EXOC5: variants seen among roughly 807,000 people sequenced by gnomAD.
EXOC5 encodes exocyst complex component 5, also known as SEC10-like 1.
A neutral mutation model predicts 90.8 loss-of-function variants in EXOC5; 17 were observed. The observed-to-expected ratio is 0.19, with a 90% CI of 0.13 to 0.28. The LOEUF (loss-of-function observed/expected upper bound fraction) is 0.28, where lower values mean the gene tolerates loss of function less well. EXOC5 is among the 10% of genes least tolerant of loss of function. The pLI is 1.00. For synonymous variants in EXOC5, 260 were observed against 270.0 expected, an observed-to-expected ratio of 0.96 and a Z score of 0.36; for missense variants, 569 against 830.6, an observed-to-expected ratio of 0.69 and a Z score of 3.87.
chr14:57,209,770 CTT>C lies in EXOC5; in HGVS notation c.1733_1734del (p.Lys578SerfsTer13). The C allele has an allele frequency of 6.2e-7, 1 of 1,609,100 alleles. No homozygotes were observed. The highest frequency in any genetic ancestry group is 2.2e-5 in the East Asian group (1 of 44,790). ...ACTTGTTTTCTTACGTAAGCACAGACTTTTACACAGGCCTATAAAAGTTTTTC... is the reference window on the plus strand; with the variant it reads ...ACTTGTTTTCTTACGTAAGCACAGACTTACACAGGCCTATAAAAGTTTTTC... The part of the protein sequence containing the change: ...VLIQYTNACV[K>X]VCAYVRKQVE... On this transcript the variant is annotated frameshift_variant, in exon 17 of 18. Transcript: ENST00000621441. LOFTEE classifies it high-confidence loss of function.
At chr14:57,236,283 T>G (rs1175246857) in intron 6 of EXOC5, among the ~76,000 whole-genome samples, 4 of 147,930 alleles carry the variant, frequency 2.7e-5, no homozygotes, top group Non-Finnish European at 5.9e-5. Context: ...ATTTTTTTCA[T>G]TTTCTTTTTT....
intron 1 of EXOC5, among the ~76,000 whole-genome samples, chr14:57,250,593 G>T (rs1012068476): frequency 2.0e-5 from 3 of 152,146 alleles, no homozygotes; most frequent in Non-Finnish European, 2.9e-5. Context: ...AGAACACATG[G>T]GGGCTGGGTA....
chr14:57,251,066 G>A (rs190866356), intron 1 of EXOC5, among the ~76,000 whole-genome samples: 28 of 152,280 alleles, frequency 1.8e-4, no homozygotes, highest in Non-Finnish European at 2.9e-4. Flanking sequence ...AACTGCACTC[G>A]CAGAATCTTT....
At chr14:57,223,185 T>G (rs1883206021) in intron 12 of EXOC5, among the ~76,000 whole-genome samples, 1 of 152,098 alleles carries the variant, frequency 6.6e-6, no homozygotes, top group African/African-American at 2.4e-5. Context: ...GAGCTTACAA[T>G]ATTCATTTTG....
At chr14:57,223,509 C>G (rs1594655197) in intron 12 of EXOC5, among the ~76,000 whole-genome samples, 1 of 151,882 alleles carries the variant, frequency 6.6e-6, no homozygotes, top group African/African-American at 2.4e-5. Flanking sequence ...TTAATACTAC[C>G]CAACCTTTAC....
rs770735817 is a variant in EXOC5 at position 57,268,692 on chromosome 14, G to A, written c.-44C>T. ...TCGCCCCCCACTGGATGCCGTCTCC[G>A]CTTCACATGCTGCGCCTCAGAGGCG... is the stretch of plus-strand genomic sequence containing the variant. On this transcript the variant is annotated 5_prime_UTR_variant, in exon 1 of 18. Transcript: ENST00000621441. The A allele has an allele frequency of 1.9e-6, 3 of 1,563,164 alleles. No homozygotes were observed. Among genetic ancestry groups the A allele is most frequent in the East Asian group, 2.4e-5 (1 of 42,010 alleles).
intron 7 of EXOC5, among the ~76,000 whole-genome samples, chr14:57,234,896 C>G (rs1046457007): frequency 6.6e-6 from 1 of 152,070 alleles, no homozygotes; most frequent in South Asian, 2.1e-4. Flanking sequence ...TTGCAAGAAT[C>G]TGGACAGTTG....
chr14:57,256,417 G>C (rs745451921), intron 1 of EXOC5, among the ~76,000 whole-genome samples: 18 of 152,172 alleles, frequency 1.2e-4, no homozygotes, highest in Non-Finnish European at 2.2e-4. Context: ...GATAGTAGAG[G>C]TGAGAGACAG....
At position 57,201,384 on chromosome 14, in the gene EXOC5, T is replaced by C. The variant is rs1246510047; in HGVS notation, c.*7225A>G. The C allele has an allele frequency of 6.6e-6, 1 of 150,718 alleles. No individual in the cohort carries two copies. Among genetic ancestry groups the C allele is most frequent in the East Asian group, 2.0e-4 (1 of 5,096 alleles). 9.3% of individuals were successfully genotyped at this position (150,718 alleles called of 1,614,324 possible). A position where few individuals can be genotyped will look rare whatever the true frequency, so the allele number is the denominator to read the frequency against. On this transcript the variant is annotated 3_prime_UTR_variant, in exon 18 of 18. Coordinates refer to ENST00000621441, the MANE Select transcript of EXOC5 (RefSeq NM_006544.4). The stretch of plus-strand genomic sequence containing the variant: ...TTATAATTAGTTGAACAGAAAACTA[T>C]GAATACATAGTGATATCAAGAGAAT...
At chr14:57,209,241 T>C (rs1463333948) in intron 17 of EXOC5, among the ~76,000 whole-genome samples, 1 of 151,922 alleles carries the variant, frequency 6.6e-6, no homozygotes, top group East Asian at 1.9e-4. Context: ...ATATTAAATA[T>C]ATGGGCCAGA....
chr14:57,209,479 C>G (rs1882761546), intron 17 of EXOC5, 88 bp downstream of exon 17: 1 of 683,910 alleles, frequency 1.5e-6, no homozygotes, highest in East Asian at 2.7e-5. Context: ...ATAAACCTTT[C>G]ACTAATTATA....
rs1292242434 is a variant in EXOC5, at chr14:57,205,213, A to C, written c.*3396T>G. On this transcript the variant is annotated 3_prime_UTR_variant, in exon 18 of 18. Transcript: ENST00000621441. ...CTTTATTATGCAGCAAAATTTTTTA[A>C]ATTGCTAACTTTTAACTTCATGTAG... 6.6e-6 allele frequency: 1 copy of C among 152,054 alleles called. No homozygotes were observed. The highest frequency in any genetic ancestry group is 6.6e-5 in the Admixed American group (1 of 15,252). 9.4% of individuals were successfully genotyped at this position (152,054 alleles called of 1,614,324 possible).
At chr14:57,258,924 G>A (rs1043363651) in intron 1 of EXOC5, among the ~76,000 whole-genome samples, 5 of 152,074 alleles carry the variant, frequency 3.3e-5, no homozygotes, top group East Asian at 1.9e-4. Context: ...GTCTCAGATC[G>A]TTTCAGAGAG....
At chr14:57,209,286 G>A (rs10130957) in intron 17 of EXOC5, among the ~76,000 whole-genome samples, 5,253 of 151,782 alleles carry the variant, frequency 0.035, 304 homozygotes, top group African/African-American at 0.12. Flanking sequence ...CAGCACTTTG[G>A]GAAGCTGAGG....
chr14:57,211,955 GC>G (rs907447193), intron 15 of EXOC5, among the ~76,000 whole-genome samples: 4 of 152,122 alleles, frequency 2.6e-5, no homozygotes, highest in African/African-American at 9.6e-5. Flanking sequence ...GACCTACCAG[GC>G]TCAAGTGATC....
rs34783989 is a variant in EXOC5 at position 57,247,596 on chromosome 14, GA to G, written c.122+21del. On this transcript the variant is annotated intron_variant, in intron 2 of 17. Transcript: ENST00000621441. Reference sequence around the variant, plus strand: ...ATGTGTACCAGATTAGATCTGTGGGGAAAAAAATTTTTTTATTTCACCTTTT... The same window carrying G: ...ATGTGTACCAGATTAGATCTGTGGGGAAAAAATTTTTTTATTTCACCTTTT... 3.4e-5 allele frequency: 45 copies of G among 1,322,476 alleles called. No homozygotes were observed. In the South Asian group the frequency reaches 4.9e-4, roughly 15 times the overall value. The allele number at this position is 1,322,476 out of a possible 1,614,324, so 81.9% of individuals were successfully genotyped here. A position where few individuals can be genotyped will look rare whatever the true frequency, so the allele number is the denominator to read the frequency against.
rs944297562 is a variant in EXOC5, at chr14:57,210,048, T to C, written c.1627A>G (p.Met543Val). Residue 543 changes from methionine to valine, a missense_variant, in exon 16 of 18, where the codon ATG (methionine) becomes GTG (valine). This residue lies in a region of EXOC5 where 34 missense variants were observed against 101.1 expected (regional missense o/e 0.34). Transcript: ENST00000621441. ...AAAATATGCTTCATCTGTCCAATCA[T>C]ACAATTTAATGTCCTAGAGAATTGA... ...DTGIDRTLNC[M>V]IGQMKHILAA... The C allele has an allele frequency of 3.9e-6, 6 of 1,553,802 alleles. No individual in the cohort carries two copies. The highest frequency in any genetic ancestry group is 1.7e-4 in the Middle Eastern group (1 of 5,824).
At chr14:57,264,215 G>T (rs79646419) in intron 1 of EXOC5, among the ~76,000 whole-genome samples, 1,716 of 152,214 alleles carry the variant, frequency 0.011, 39 homozygotes, top group African/African-American at 0.039. Context: ...CAACTAATAT[G>T]GTTAAAATAA....
rs1357124756 is a variant in EXOC5 at position 57,206,228 on chromosome 14, A to T, written c.*2381T>A. Reference sequence around the variant, plus strand: ...CCAATTATACAAAGCTCCACTCTCTACCTAAAATTTTACCATGTGCAAAAC... The same window carrying T: ...CCAATTATACAAAGCTCCACTCTCTTCCTAAAATTTTACCATGTGCAAAAC... On this transcript the variant is annotated 3_prime_UTR_variant, in exon 18 of 18. Transcript: ENST00000621441. The T allele has an allele frequency of 1.2e-5, 3 of 254,244 alleles. No homozygotes were observed. The highest frequency in any genetic ancestry group is 2.3e-5 in the Non-Finnish European group (3 of 129,368). The allele number at this position is 254,244 out of a possible 1,614,324, so 15.7% of individuals were successfully genotyped here. A position where few individuals can be genotyped will look rare whatever the true frequency, so the allele number is the denominator to read the frequency against.
Sources: gnomAD v4.1 joint callset for allele counts (sites outside exome capture counted in the v4.1 genomes callset) on GRCh38, gnomAD v4.1.1 for gene constraint, gnomAD v4.1.1 regional missense constraint, MANE v1.5 for transcripts, NCBI Gene and HGNC (gene_info 2026-07-23, HGNC 2026-07-21) for gene names.